The following AMPH variants were observed in gnomAD, a reference collection of about 807,000 sequenced individuals.
AMPH encodes amphiphysin, also known as amphiphysin (Stiff-Mann syndrome with breast cancer 128kD autoantigen).
In AMPH, 49 loss-of-function variants were observed where a neutral mutation model predicts 99.1. The observed-to-expected ratio is 0.49, with a 90% CI of 0.39 to 0.63. The LOEUF is 0.63. Ranked by LOEUF, AMPH falls within the 20% of genes least tolerant of loss-of-function variation. The pLI is 0.00. For synonymous variants in AMPH, 314 were observed against 317.3 expected (o/e 0.99, Z 0.11); for missense variants, 759 against 863.4 (o/e 0.88, Z 1.52).
intron 18 of AMPH, among the ~76,000 whole-genome samples, chr7:38,393,778 C>T (rs1335319537): frequency 6.6e-6 from 1 of 152,150 alleles, no homozygotes; most frequent in Non-Finnish European, 1.5e-5. Context: ...ATGCTTAGGC[C>T]CAGTCAGCCA....
rs764115727 is a variant in AMPH, at chr7:38,391,806, T to C, written c.1820A>G (p.Asp607Gly). Residue 607 changes from aspartate (D) to glycine (G), a missense_variant, in exon 19 of 21, where the codon GAC (aspartate) becomes GGC (glycine). By Grantham distance (94) the Asp-to-Gly change is moderately conservative. Transcript: ENST00000356264. ...GGCCTCCCTTGCAGATGCTAGCTGG[T>C]CAGCAGCCCCCATGGCTGGTGCAGA... ...TPSAPAMGAA[D>G]QLASAREASQ... 1 of 1,613,968 alleles carries C rather than the reference T, an allele frequency of 6.2e-7. No homozygotes were observed. The highest frequency in any genetic ancestry group is 8.5e-7 in the Non-Finnish European group (1 of 1,179,992).
At chr7:38,396,019 C>A (rs1784659431) in intron 17 of AMPH, among the ~76,000 whole-genome samples, 1 of 152,180 alleles carries the variant, frequency 6.6e-6, no homozygotes, top group Non-Finnish European at 1.5e-5. Context: ...CATTATATGT[C>A]CAAGTATTTA....
At chr7:38,546,653 G>C (rs1179347704) in intron 1 of AMPH, among the ~76,000 whole-genome samples, 3 of 152,152 alleles carry the variant, frequency 2.0e-5, no homozygotes, top group African/African-American at 7.2e-5. Context: ...ATCCGGAGGG[G>C]TATGTTTTAC....
chr7:38,521,015 T>C (rs1789937354), intron 2 of AMPH, among the ~76,000 whole-genome samples: 1 of 152,172 alleles, frequency 6.6e-6, no homozygotes, highest in Non-Finnish European at 1.5e-5. Flanking sequence ...AAAGGGGAAG[T>C]GTGATCAAAT....
At chr7:38,488,433 T>G (rs889069593) in intron 5 of AMPH, among the ~76,000 whole-genome samples, 4 of 147,384 alleles carry the variant, frequency 2.7e-5, no homozygotes, top group Admixed American at 7.1e-5. Context: ...AACAGAAAAC[T>G]GAACACCTCA....
At chr7:38,601,665 G>C (rs1793251514) in intron 1 of AMPH, among the ~76,000 whole-genome samples, 1 of 152,088 alleles carries the variant, frequency 6.6e-6, no homozygotes, top group Non-Finnish European at 1.5e-5. Flanking sequence ...TCAGAGGTAA[G>C]GTAATGGAAT....
intron 17 of AMPH, among the ~76,000 whole-genome samples, chr7:38,409,037 A>C (rs1252267586): frequency 6.6e-6 from 1 of 152,184 alleles, no homozygotes; most frequent in Non-Finnish European, 1.5e-5. Flanking sequence ...CTCATTTTAG[A>C]AGGGAGGAAC....
chr7:38,407,076 ATGTGTG>A (rs70975098), intron 17 of AMPH, among the ~76,000 whole-genome samples: 1,086 of 19,564 alleles, frequency 0.056, 56 homozygotes, highest in East Asian at 0.19. Flanking sequence ...ATATATATAT[ATGTGTG>A]TGTGTGTGTG....
intron 1 of AMPH, among the ~76,000 whole-genome samples, chr7:38,618,343 T>A (rs1331101839): frequency 1.3e-5 from 2 of 148,186 alleles, no homozygotes; most frequent in Admixed American, 1.3e-4. Flanking sequence ...AAACCCCATC[T>A]CTACAAAAAA....
intron 17 of AMPH, among the ~76,000 whole-genome samples, chr7:38,411,392 T>C (rs539424941): frequency 1.1e-4 from 17 of 152,280 alleles, no homozygotes; most frequent in African/African-American, 3.6e-4. Flanking sequence ...CAAGGCAACT[T>C]GCTGGGGAAA....
intron 2 of AMPH, among the ~76,000 whole-genome samples, chr7:38,515,299 G>A (rs1411306059): frequency 6.6e-6 from 1 of 152,182 alleles, no homozygotes; most frequent in Non-Finnish European, 1.5e-5. Flanking sequence ...CCCCAATGTT[G>A]GAGGAGGGAC....
chr7:38,433,101 G>A (rs1786102107), intron 12 of AMPH, among the ~76,000 whole-genome samples: 1 of 152,216 alleles, frequency 6.6e-6, no homozygotes. Context: ...AATGTCAACA[G>A]CAAACTAGAG....
chr7:38,630,740 C>T (rs1406222022), intron 1 of AMPH, among the ~76,000 whole-genome samples: 1 of 152,200 alleles, frequency 6.6e-6, no homozygotes, highest in African/African-American at 2.4e-5. Context: ...CCCTATTGGT[C>T]CTGGGAGATT....
chr7:38,425,811 A>G (rs182993208), intron 15 of AMPH, among the ~76,000 whole-genome samples: 186 of 152,384 alleles, frequency 1.2e-3, no homozygotes, highest in African/African-American at 4.4e-3. Context: ...TTTACCTCTA[A>G]GAAACAGGAA....
intron 1 of AMPH, among the ~76,000 whole-genome samples, chr7:38,547,579 T>A (rs1791035525): frequency 6.6e-6 from 1 of 152,178 alleles, no homozygotes; most frequent in Non-Finnish European, 1.5e-5. Context: ...ACCCAAAATA[T>A]CTGAGACAAG....
chr7:38,624,728 A>C (rs1269450243), intron 1 of AMPH, among the ~76,000 whole-genome samples: 1 of 152,118 alleles, frequency 6.6e-6, no homozygotes, highest in African/African-American at 2.4e-5. Context: ...TATTTAAATA[A>C]AAAGGCATTT....
At chr7:38,507,991 T>C (rs929475587) in intron 2 of AMPH, among the ~76,000 whole-genome samples, 30 of 152,348 alleles carry the variant, frequency 2.0e-4, no homozygotes, top group African/African-American at 7.0e-4. Flanking sequence ...ATATTAATAT[T>C]AGTAAATACA....
chr7:38,399,808 C>T lies in AMPH; in HGVS notation c.1399-5594G>A, dbSNP rs191519163. Among the ~76,000 whole-genome samples, 4 of 152,290 alleles carry T rather than the reference C, an allele frequency of 2.6e-5. No individual in the cohort carries two copies. In the East Asian group the frequency reaches 5.8e-4, roughly 22 times the overall value. On this transcript the variant is annotated intron_variant, in intron 17 of 20. Coordinates refer to ENST00000356264, the MANE Select transcript of AMPH (RefSeq NM_001635.4). The stretch of plus-strand genomic sequence containing the variant: ...TTCACTCTAAATGTTCAGAAAAACA[C>T]AATTATCCTATCTTCTGCCCAACCT...
intron 7 of AMPH, among the ~76,000 whole-genome samples, chr7:38,467,640 A>ATATGTGTGTG (rs1554342021): frequency 6.7e-6 from 1 of 148,732 alleles, no homozygotes; most frequent in South Asian, 2.2e-4. Flanking sequence ...CAATGGAAAT[A>ATATGTGTGTG]TGTGTGTGTG....
Sources: gnomAD v4.1 joint callset for allele counts (sites outside exome capture counted in the v4.1 genomes callset) on GRCh38, gnomAD v4.1.1 for gene constraint, MANE v1.5 for transcripts, NCBI Gene and HGNC (gene_info 2026-07-23, HGNC 2026-07-21) for gene names.